The following NDUFA8 variants were observed in gnomAD, a reference collection of about 807,000 sequenced individuals.
The protein encoded by NDUFA8 is NADH dehydrogenase [ubiquinone] 1 alpha subcomplex subunit 8.
In NDUFA8, 16 loss-of-function variants were observed where a neutral mutation model predicts 20.9. The observed-to-expected ratio is 0.77, with a 90% CI of 0.52 to 1.16. The LOEUF is 1.16. NDUFA8 is among the 50% of genes most tolerant of loss of function. NDUFA8 has a pLI of 0.00. For synonymous variants in NDUFA8, 70 were observed against 76.1 expected (o/e 0.92, Z 0.41); for missense variants, 202 against 216.4 (o/e 0.93, Z 0.42).
downstream of NDUFA8, among the ~76,000 whole-genome samples, chr9:122,141,152 A>G (rs990654410): frequency 1.3e-5 from 2 of 152,226 alleles, no homozygotes; most frequent in African/African-American, 4.8e-5. Flanking sequence ...AGCATGCTGT[A>G]GAGTATAGGC....
At chr9:122,148,853 G>T (rs551864002) in intron 2 of NDUFA8, among the ~76,000 whole-genome samples, 1 of 152,190 alleles carries the variant, frequency 6.6e-6, no homozygotes, top group African/African-American at 2.4e-5. Flanking sequence ...TTGCTATCAA[G>T]AACAAAGTTA....
chr9:122,157,794 T>G (rs1200718430), intron 1 of NDUFA8, among the ~76,000 whole-genome samples: 1 of 152,182 alleles, frequency 6.6e-6, no homozygotes, highest in Non-Finnish European at 1.5e-5. Context: ...AATTTCTTCC[T>G]CTGAGGAAAA....
intron 1 of NDUFA8, among the ~76,000 whole-genome samples, chr9:122,158,005 T>C (rs987999930): frequency 2.0e-5 from 3 of 151,224 alleles, no homozygotes; most frequent in Non-Finnish European, 4.4e-5. Context: ...TACACAATAT[T>C]AGCCGGGTGT....
chr9:122,150,798 C>T (rs1279130460), intron 2 of NDUFA8, among the ~76,000 whole-genome samples: 1 of 151,736 alleles, frequency 6.6e-6, no homozygotes, highest in Non-Finnish European at 1.5e-5. Flanking sequence ...GCTGAAACCC[C>T]ATCTCTACCA....
Position 122,145,367 on chromosome 9 carries a change from A to G in NDUFA8, c.382-989T>C, listed in dbSNP as rs1828891307. Among the ~76,000 whole-genome samples, 4 of 152,210 alleles carry G rather than the reference A, an allele frequency of 2.6e-5. No homozygotes were observed. The South Asian group carries it at 8.3e-4, about 32-fold the overall frequency. On this transcript the variant is annotated intron_variant, in intron 3 of 3. Coordinates refer to ENST00000373768, the MANE Select transcript of NDUFA8 (RefSeq NM_014222.3). ...TAATTTACACTCACAGTATCCCCTG[A>G]TGGTCACAAAAATCTCAACTGGAAA...
At chr9:122,156,136 G>A (rs1160639259) in intron 1 of NDUFA8, among the ~76,000 whole-genome samples, 1 of 152,182 alleles carries the variant, frequency 6.6e-6, no homozygotes, top group Admixed American at 6.5e-5. Context: ...TGAGACTGAT[G>A]AATTCCAACA....
At chr9:122,135,565 G>C in the NDUFA8 span, among the ~76,000 whole-genome samples, 2 of 152,196 alleles carry the variant, frequency 1.3e-5, no homozygotes, top group African/African-American at 2.4e-5. Flanking sequence ...AAGAGCCCGG[G>C]TTCTGCAGCC....
At chr9:122,157,704 G>A (rs1159682562) in intron 1 of NDUFA8, among the ~76,000 whole-genome samples, 1 of 152,016 alleles carries the variant, frequency 6.6e-6, no homozygotes, top group African/African-American at 2.4e-5. Flanking sequence ...ACAAAAGAGT[G>A]GGGGCCACAT....
At chr9:122,142,388 G>A (rs1280352178), downstream of NDUFA8, among the ~76,000 whole-genome samples, 1 of 152,180 alleles carries the variant, frequency 6.6e-6, no homozygotes, top group Non-Finnish European at 1.5e-5. Context: ...GGAATAGGCT[G>A]GGAGTGCTTT....
intron 2 of NDUFA8, among the ~76,000 whole-genome samples, chr9:122,150,971 CAAA>C (rs71508152): frequency 2.0e-5 from 1 of 50,414 alleles, no homozygotes; most frequent in Non-Finnish European, 3.2e-5. Context: ...GACTCCGTCT[CAAA>C]AAAAAAAAAA....
At chr9:122,144,005 G>C (rs1279955809), downstream of NDUFA8, 1 of 1,279,280 alleles carries the variant, frequency 7.8e-7, no homozygotes, top group African/African-American at 1.5e-5. Flanking sequence ...AAAGCAAGGG[G>C]AAGTCATCTT....
At chr9:122,155,140 G>A (rs1041910305) in intron 1 of NDUFA8, among the ~76,000 whole-genome samples, 4 of 152,096 alleles carry the variant, frequency 2.6e-5, no homozygotes, top group African/African-American at 7.2e-5. Flanking sequence ...GGGCAGTGGC[G>A]CAATCTCGGC....
the NDUFA8 span, among the ~76,000 whole-genome samples, chr9:122,137,238 CTTTTTTTT>C: frequency 2.2e-4 from 23 of 106,596 alleles, no homozygotes; most frequent in East Asian, 4.9e-4. Flanking sequence ...TTTTCCTTTC[CTTTTTTTT>C]TTTTTTTTTT....
chr9:122,159,711 T>C lies in NDUFA8; in HGVS notation c.-34A>G. 1 of 1,613,862 alleles carries C rather than the reference T, an allele frequency of 6.2e-7. No homozygotes were observed. Among genetic ancestry groups the C allele is most frequent in the Non-Finnish European group, 8.5e-7 (1 of 1,179,918 alleles). On this transcript the variant is annotated 5_prime_UTR_variant, in exon 1 of 4. An upstream open reading frame in the 5' UTR loses its in-frame stop. Transcript: ENST00000373768. Reference sequence around the variant, plus strand: ...CAGCCCCGACCCCGACGAGAAGCCCTCAGCCGCGTCGCCCCCGTCTCCTTG... The same window carrying C: ...CAGCCCCGACCCCGACGAGAAGCCCCCAGCCGCGTCGCCCCCGTCTCCTTG...
At chr9:122,155,258 T>G (rs1829060881) in intron 1 of NDUFA8, among the ~76,000 whole-genome samples, 1 of 152,326 alleles carries the variant, frequency 6.6e-6, no homozygotes, top group East Asian at 1.9e-4. Context: ...TTTGTATTTT[T>G]GGTAGAGACG....
At chr9:122,139,176 G>T (rs1269284650), downstream of NDUFA8, among the ~76,000 whole-genome samples, 1 of 152,170 alleles carries the variant, frequency 6.6e-6, no homozygotes, top group Non-Finnish European at 1.5e-5. Flanking sequence ...CTGAAGCACA[G>T]CGAGCCCTGC....
chr9:122,149,913 C>T (rs896831007), intron 2 of NDUFA8, among the ~76,000 whole-genome samples: 3 of 151,870 alleles, frequency 2.0e-5, no homozygotes, highest in African/African-American at 4.8e-5. Context: ...ACAAAGATCA[C>T]GCCACAGCAC....
downstream of NDUFA8, among the ~76,000 whole-genome samples, chr9:122,141,744 T>C (rs1350076563): frequency 1.3e-5 from 2 of 152,348 alleles, no homozygotes; most frequent in Admixed American, 6.5e-5. Context: ...ACCTTTTACC[T>C]ACTGAAATTG....
At chr9:122,159,087 T>C (rs367721082) in intron 1 of NDUFA8, among the ~76,000 whole-genome samples, 9 of 152,128 alleles carry the variant, frequency 5.9e-5, no homozygotes, top group African/African-American at 1.7e-4. Flanking sequence ...TGAAATGATA[T>C]CTCTTGAATA....
Sources: gnomAD v4.1 joint callset for allele counts (sites outside exome capture counted in the v4.1 genomes callset) on GRCh38, gnomAD v4.1.1 for gene constraint, MANE v1.5 for transcripts, NCBI Gene and HGNC (gene_info 2026-07-23, HGNC 2026-07-21) for gene names.